The following DMD variants were observed in gnomAD, a reference collection of about 807,000 sequenced individuals.
DMD encodes the protein mutant dystrophin.
DMD carries 63 observed loss-of-function variants against 330.1 expected under a neutral mutation model. The ratio of observed to expected loss-of-function variants is 0.19; its 90% CI spans 0.16 to 0.24. The LOEUF is 0.24. DMD is among the 10% of genes least tolerant of loss of function. The pLI is 1.00. For synonymous variants in DMD, 1,223 were observed against 959.8 expected, an observed-to-expected ratio of 1.27 and a Z score of -5.07; for missense variants, 3,344 against 2,684.1, an observed-to-expected ratio of 1.25 and a Z score of -5.43.
intron 44 of DMD, among the ~76,000 whole-genome samples, chrX:32,099,911 A>G (rs900732043): frequency 4.5e-5 from 5 of 110,071 alleles, no homozygotes; most frequent in African/African-American, 1.7e-4. Flanking sequence ...AAAAGGATGT[A>G]TCCTACCATG....
chrX:32,296,618 A>G, intron 42 of DMD, among the ~76,000 whole-genome samples: 1 of 111,856 alleles, frequency 8.9e-6, no homozygotes, highest in Non-Finnish European at 1.9e-5. Flanking sequence ...TGTGGGATGT[A>G]TATACAAACA....
At chrX:32,220,306 A>G (rs914140083) in intron 43 of DMD, among the ~76,000 whole-genome samples, 15 of 112,206 alleles carry the variant, frequency 1.3e-4, no homozygotes, top group Non-Finnish European at 2.4e-4. Context: ...ATATATAAAT[A>G]TGAAGTATTT....
At chrX:31,222,152 C>G (rs1347685019) in intron 64 of DMD, among the ~76,000 whole-genome samples, 1 of 109,172 alleles carries the variant, frequency 9.2e-6, no homozygotes, top group African/African-American at 3.3e-5. Context: ...GCCTAGAACG[C>G]GCCACTGCAC....
At chrX:32,869,484 C>A (rs1048115238) in intron 2 of DMD, among the ~76,000 whole-genome samples, 2 of 109,545 alleles carry the variant, frequency 1.8e-5, no homozygotes, top group Non-Finnish European at 3.8e-5. Context: ...TAACCCAATG[C>A]AAAGAAGTTA....
At chrX:32,991,407 G>C (rs750897483) in intron 2 of DMD, among the ~76,000 whole-genome samples, 1 of 111,737 alleles carries the variant, frequency 8.9e-6, no homozygotes, top group Non-Finnish European at 1.9e-5. Flanking sequence ...TTGTCCATTA[G>C]AATTTTTGGT....
intron 4 of DMD, among the ~76,000 whole-genome samples, chrX:32,842,539 C>A (rs1407249395): frequency 9.0e-6 from 1 of 111,437 alleles, no homozygotes; most frequent in Middle Eastern, 4.3e-3. Flanking sequence ...AAGTAAGACC[C>A]CCCCCATACA....
rs1389594342 is a variant in DMD, at chrX:32,474,204, T to TACACACAC, written c.2804-1896_2804-1895insGTGTGTGT. Among the ~76,000 whole-genome samples the TACACACAC allele has an allele frequency of 3.7e-3, 139 of 37,659 alleles. 1 individual carries two copies. The highest frequency in any genetic ancestry group is 6.2e-3 in the African/African-American group (126 of 20,421). 32.7% of individuals were successfully genotyped at this position (37,659 alleles called of 115,157 possible). A position where few individuals can be genotyped will look rare whatever the true frequency, so the allele number is the denominator to read the frequency against. On this transcript the variant is annotated intron_variant, in intron 21 of 78. Transcript: ENST00000357033. The stretch of plus-strand genomic sequence containing the variant: ...TAGTATTCCATCATATATACATACA[T>TACACACAC]ACATACACACACACACACACACACA...
At chrX:33,312,727 C>T (rs1362643421) in intron 1 of DMD, among the ~76,000 whole-genome samples, 6 of 111,497 alleles carry the variant, frequency 5.4e-5, no homozygotes, top group Admixed American at 1.9e-4. Context: ...ATGTATAATC[C>T]CATTTTGCCT....
intron 59 of DMD, among the ~76,000 whole-genome samples, chrX:31,461,387 T>G (rs1171659740): frequency 9.0e-6 from 1 of 111,396 alleles, no homozygotes; most frequent in Non-Finnish European, 1.9e-5. Flanking sequence ...AATCAGGAAC[T>G]CTGGGGAAGG....
chrX:31,462,266 G>A (rs540285035), intron 59 of DMD, among the ~76,000 whole-genome samples: 1 of 111,099 alleles, frequency 9.0e-6, no homozygotes, highest in African/African-American at 3.3e-5. Context: ...GATCACCTGA[G>A]GTCAGGAGTT....
chrX:31,822,324 G>A lies in DMD; in HGVS notation c.7201-2241C>T, dbSNP rs762168048. On this transcript the variant is annotated intron_variant, in intron 49 of 78. Transcript: ENST00000357033. ...GCATTTCAGACAGAAGGAAAACTAC[G>A]TGCAAAATGGCAAGAGGTATCGAGC... 9.8e-5 allele frequency among the ~76,000 whole-genome samples: 11 copies of A among 111,826 alleles called. No homozygotes were observed. The East Asian group carries it at 2.2e-3, about 23-fold the overall frequency.
At chrX:32,449,538 T>A (rs754795836) in intron 26 of DMD, among the ~76,000 whole-genome samples, 12 of 109,063 alleles carry the variant, frequency 1.1e-4, no homozygotes, top group African/African-American at 4.0e-4. Context: ...GTAAAGCTTT[T>A]AAACCCTCCC....
At chrX:31,261,529 C>T (rs183134480) in intron 62 of DMD, 1 of 128,203 alleles carries the variant, frequency 7.8e-6, no homozygotes, top group African/African-American at 3.2e-5. Context: ...TCCATGATAC[C>T]TGTATTTCAT....
chrX:33,302,635 C>T (rs1037160175), intron 1 of DMD, among the ~76,000 whole-genome samples: 14 of 110,826 alleles, frequency 1.3e-4, no homozygotes, highest in African/African-American at 4.3e-4. Flanking sequence ...GTAGTATTAG[C>T]GTCACAGCAA....
At chrX:31,278,714 C>G (rs921045583) in intron 62 of DMD, among the ~76,000 whole-genome samples, 16 of 111,997 alleles carry the variant, frequency 1.4e-4, no homozygotes, top group Non-Finnish European at 2.8e-4. Context: ...GAGAAATGCC[C>G]TTCTGCTTCC....
rs145305308 is a variant in DMD, at chrX:32,015,544, G to A, written c.6439-47030C>T. Among the ~76,000 whole-genome samples the A allele has an allele frequency of 7.2e-3, 801 of 111,595 alleles. 11 individuals carry two copies. Among genetic ancestry groups the A allele is most frequent in the African/African-American group, 0.024 (748 of 30,684 alleles). On this transcript the variant is annotated intron_variant, in intron 44 of 78. Transcript: ENST00000357033. ...TAAGTTCCCAAGTGATGCTAACGCT[G>A]CTGATCCCGGGACCTCCCTTTGAGA...
Position 31,929,603 on chromosome X carries a change from C to G in DMD, c.6905G>C (p.Trp2302Ser). ...ENKLKQTNLQ[W>S]IKVSRALPEK... The stretch of plus-strand genomic sequence containing the variant: ...AGATGGTTAATGTCTAACCTTTATC[C>G]ACTGGAGATTTGTCTGCTTGAGCTT... Residue 2302 changes from tryptophan (W) to serine (S), a missense_variant, in exon 47 of 79, where the codon TGG (tryptophan) becomes TCG (serine). Transcript: ENST00000357033. 8.3e-7 allele frequency: 1 copy of G among 1,210,853 alleles called. No individual in the cohort carries two copies. Among genetic ancestry groups the G allele is most frequent in the Non-Finnish European group, 1.1e-6 (1 of 895,159 alleles).
At chrX:31,417,455 C>T (rs2061932507) in intron 60 of DMD, among the ~76,000 whole-genome samples, 1 of 109,304 alleles carries the variant, frequency 9.1e-6, no homozygotes, top group African/African-American at 3.3e-5. Flanking sequence ...CCACGCCCAG[C>T]TAATTTTTGT....
chrX:33,008,951 C>CGTGT (rs2093478385), intron 2 of DMD, among the ~76,000 whole-genome samples: 3 of 82,642 alleles, frequency 3.6e-5, no homozygotes, highest in East Asian at 3.5e-4. Flanking sequence ...CGTATATATA[C>CGTGT]GTATATATAC....
Sources: allele counts gnomAD v4.1 joint callset (sites outside exome capture counted in the v4.1 genomes callset), GRCh38; gene constraint gnomAD v4.1.1; transcripts MANE v1.5; gene names NCBI Gene and HGNC (gene_info 2026-07-23, HGNC 2026-07-21).